Variants in OTOG observed in about 807,000 individuals in gnomAD.
OTOG encodes the protein otogelin.
OTOG carries 296 observed loss-of-function variants against 313.8 expected under a neutral mutation model. The ratio of observed to expected loss-of-function variants is 0.94; its 90% CI spans 0.86 to 1.04. The LOEUF (loss-of-function observed/expected upper bound fraction) is 1.04, where lower values mean the gene tolerates loss of function less well. Among genes scored for constraint, OTOG ranks in the 50% least tolerant of loss-of-function variants. The pLI is 0.00. For synonymous variants in OTOG, 1,533 were observed against 1,554.9 expected (o/e 0.99, Z 0.33); for missense variants, 3,948 against 3,840.1 (o/e 1.03, Z -0.74).
chr11:17,585,946 T>G (rs1345674333), intron 23 of OTOG, among the ~76,000 whole-genome samples: 1 of 152,264 alleles, frequency 6.6e-6, no homozygotes, highest in Non-Finnish European at 1.5e-5. Flanking sequence ...TGCCCCAGGC[T>G]GTATCCTGTT....
In OTOG at chr11:17,585,006, C is replaced by T. The variant is rs144373415; in HGVS notation, c.2760-1468C>T. Among the ~76,000 whole-genome samples the T allele has an allele frequency of 4.1e-3, 623 of 152,230 alleles. 3 individuals are homozygous for T. Among genetic ancestry groups the T allele is most frequent in the African/African-American group, 0.014 (587 of 41,526 alleles). ...GGTCTGTGGTTTTCCATACTTGCAA[C>T]GTTTTTGTCTGGTTTTGGTATCAGA... is the stretch of plus-strand genomic sequence containing the variant. On this transcript the variant is annotated intron_variant, in intron 23 of 55. Coordinates refer to ENST00000399397, the MANE Select transcript of OTOG (RefSeq NM_001292063.2).
In OTOG at chr11:17,610,004, A is replaced by G. The variant is rs1222876677; in HGVS notation, c.4704A>G (p.Ser1568=). 5.8e-6 allele frequency: 9 copies of G among 1,544,964 alleles called. No homozygotes were observed. In the East Asian group the frequency reaches 2.2e-4, roughly 38 times the overall value. Residue 1568 remains serine, a synonymous_variant, in exon 36 of 56, where the codon TCA becomes TCG. Transcript: ENST00000399397. ...LLAIPHTPES[S]SLPVALQTPT... ...CCATCCCCCATACACCAGAGTCCTC[A>G]TCCCTCCCTGTTGCACTGCAGACAC...
At chr11:17,642,747 G>T (rs1209266279) in intron 53 of OTOG, among the ~76,000 whole-genome samples, 1 of 152,030 alleles carries the variant, frequency 6.6e-6, no homozygotes, top group Admixed American at 6.6e-5. Flanking sequence ...GAAGGCTTGG[G>T]GTTATTGTTG....
chr11:17,612,689 A>G lies in OTOG; in HGVS notation c.6362A>G (p.Glu2121Gly). The stretch of plus-strand genomic sequence containing the variant: ...GGGAGCCACGTAGCTCTGTTCAAGG[A>G]GGCCATCTACATCCTCAGCCAGAGC... ...FDGSHVALFK[E>G]AIYILSQSPD... Residue 2121 changes from glutamate to glycine, a missense_variant, in exon 38 of 56, where the codon GAG becomes GGG. By Grantham distance (98) the Glu-to-Gly change is moderately conservative. Transcript: ENST00000399397. The G allele has an allele frequency of 5.8e-6, 9 of 1,550,624 alleles. No homozygotes were observed. The highest frequency in any genetic ancestry group is 7.8e-6 in the Non-Finnish European group (9 of 1,146,988).
Position 17,634,852 on chromosome 11 carries a change from C to T in OTOG, c.7489C>T (p.Gln2497Ter), listed in dbSNP as rs2133709057. ...GTGGTCCCCGGGGCCAGTGTGTAACCAGACTCTGTGTGAGGGTCTCGCCCC... is the reference window on the plus strand; with the variant it reads ...GTGGTCCCCGGGGCCAGTGTGTAACTAGACTCTGTGTGAGGGTCTCGCCCC... Reference protein sequence around the residue: ...CCLGTVCVCNQTLCEGLAPTC... With the variant: ...CCLGTVCVCN The change falls in exon 45 of 56, where the codon CAG becomes TAG. Residue 2497 changes from glutamine (Q) to a stop codon, truncating the protein, a stop_gained. Coordinates refer to ENST00000399397, the MANE Select transcript of OTOG (RefSeq NM_001292063.2). LOFTEE classifies it high-confidence loss of function. 6.5e-7 allele frequency: 1 copy of T among 1,549,486 alleles called. No individual in the cohort carries two copies. Among genetic ancestry groups the T allele is most frequent in the Non-Finnish European group, 8.7e-7 (1 of 1,146,728 alleles).
At chr11:17,562,849 T>C (rs1852218788) in intron 15 of OTOG, among the ~76,000 whole-genome samples, 1 of 152,196 alleles carries the variant, frequency 6.6e-6, no homozygotes, top group South Asian at 2.1e-4. Flanking sequence ...AATACCTATT[T>C]GTGCCAGAGG....
intron 38 of OTOG, among the ~76,000 whole-genome samples, chr11:17,613,179 TTTC>T (rs1853609765): frequency 4.1e-5 from 4 of 97,722 alleles, no homozygotes; most frequent in African/African-American, 1.6e-4. Flanking sequence ...CTTTTCTTTC[TTTC>T]TTTCTTTCTT....
intron 16 of OTOG, among the ~76,000 whole-genome samples, chr11:17,569,933 C>A (rs1291056466): frequency 6.6e-6 from 1 of 152,136 alleles, no homozygotes; most frequent in Non-Finnish European, 1.5e-5. Flanking sequence ...TGTACCAGTT[C>A]CTTAGTGGGA....
At chr11:17,593,785 C>T (rs1409414268) in intron 27 of OTOG, 29 bp downstream of exon 27, 1 of 1,543,766 alleles carries the variant, frequency 6.5e-7, no homozygotes. Context: ...ACATTCTGCT[C>T]CTGCCTGGGG....
intron 51 of OTOG, 127 bp from the exon 52 acceptor site, chr11:17,641,720 G>A (rs1036666370): frequency 1.4e-4 from 91 of 634,976 alleles, no homozygotes; most frequent in Middle Eastern, 1.0e-3. Flanking sequence ...GAGGCTGGGA[G>A]CGCCTCTTCT....
In OTOG at chr11:17,606,001, G is replaced by C. The variant is rs145689709; in HGVS notation, c.4022G>C (p.Arg1341Pro). ...TCCTTCTTGCTGCACCGGGGGACAC[G>C]GCAGGCAGGCCTGGTGGCCCTGGAG... ...HASFLLHRGT[R>P]QAGLVALESL... The change falls in exon 33 of 56, where the codon CGG becomes CCG. Residue 1341 changes from arginine to proline, a missense_variant. Coordinates refer to ENST00000399397, the MANE Select transcript of OTOG (RefSeq NM_001292063.2). 1 of 1,550,476 alleles carries C rather than the reference G, an allele frequency of 6.4e-7. No homozygotes were observed. Among genetic ancestry groups the C allele is most frequent in the African/African-American group, 1.4e-5 (1 of 73,046 alleles).
intron 43 of OTOG, 55 bp downstream of exon 43, chr11:17,633,929 C>T (rs1047649331): frequency 6.0e-6 from 9 of 1,489,864 alleles, no homozygotes; most frequent in Admixed American, 2.1e-5. Flanking sequence ...TCAGCCTCGC[C>T]TCCTGCTGTC....
intron 39 of OTOG, among the ~76,000 whole-genome samples, chr11:17,622,747 C>T (rs928834696): frequency 6.6e-6 from 1 of 152,218 alleles, no homozygotes; most frequent in Non-Finnish European, 1.5e-5. Context: ...TTTATCCATT[C>T]ATCTGCTGAT....
chr11:17,588,594 G>C (rs1475112776), intron 24 of OTOG, among the ~76,000 whole-genome samples: 1 of 152,128 alleles, frequency 6.6e-6, no homozygotes, highest in Non-Finnish European at 1.5e-5. Flanking sequence ...CATTGTTGCT[G>C]TCAGACACAG....
At chr11:17,599,544 T>C in intron 30 of OTOG, 127 bp from the exon 31 acceptor site, 2 of 963,916 alleles carry the variant, frequency 2.1e-6, no homozygotes, top group Non-Finnish European at 3.2e-6. Context: ...AATCTTGACA[T>C]GTGGGAGGCA....
In OTOG at chr11:17,570,351, T is replaced by C. The variant is rs1422265960; in HGVS notation, c.1916T>C (p.Leu639Pro). 7.1e-6 allele frequency: 11 copies of C among 1,550,588 alleles called. No individual in the cohort carries two copies. Among genetic ancestry groups the C allele is most frequent in the Non-Finnish European group, 9.6e-6 (11 of 1,146,974 alleles). The change falls in exon 17 of 56, where the codon CTC (leucine) becomes CCC (proline). Residue 639 changes from leucine to proline, a missense_variant. Transcript: ENST00000399397. ...CGATGGGTGGAGGATACCGTGGGCC[T>C]CTGCGGCACCTTCAATGGCAACACG... ...DQRWVEDTVGLCGTFNGNTQD... is the reference protein window; with the variant it reads ...DQRWVEDTVGPCGTFNGNTQD...
intron 24 of OTOG, 36 bp from the exon 25 acceptor site, chr11:17,591,414 G>A: frequency 3.2e-6 from 5 of 1,549,282 alleles, no homozygotes; most frequent in Non-Finnish European, 4.4e-6. Flanking sequence ...TGGGGTGGGT[G>A]TGCCCTGTGA....
intron 40 of OTOG, 121 bp downstream of exon 40, chr11:17,629,437 C>A: frequency 8.6e-7 from 1 of 1,166,800 alleles, no homozygotes; most frequent in Non-Finnish European, 1.2e-6. Flanking sequence ...GTTGGAGCAG[C>A]AGAGCTGTCA....
intron 3 of OTOG, among the ~76,000 whole-genome samples, chr11:17,549,932 T>C (rs1297077773): frequency 1.3e-5 from 2 of 152,112 alleles, no homozygotes; most frequent in African/African-American, 4.8e-5. Context: ...GAAGTGGGGG[T>C]GTGCCCCAGA....
Sources: allele counts gnomAD v4.1 joint callset (sites outside exome capture counted in the v4.1 genomes callset), GRCh38; gene constraint gnomAD v4.1.1; transcripts MANE v1.5; gene names NCBI Gene and HGNC (gene_info 2026-07-23, HGNC 2026-07-21).